The following CMTM7 variants were observed in gnomAD, a reference collection of about 807,000 sequenced individuals.
CMTM7 encodes CKLF-like MARVEL transmembrane domain-containing protein 7.
A neutral mutation model predicts 19.3 loss-of-function variants in CMTM7; 7 were observed. That is an observed-to-expected ratio of 0.36 (90% CI 0.21 to 0.68). The LOEUF (loss-of-function observed/expected upper bound fraction) is 0.68. CMTM7 is among the 30% of genes least tolerant of loss of function. The pLI is 0.60. For missense variants in CMTM7, 193 were observed against 232.6 expected (o/e 0.83, Z 1.11); for synonymous variants, 87 against 99.3 (o/e 0.88, Z 0.74).
intron 1 of CMTM7, among the ~76,000 whole-genome samples, chr3:32,435,250 A>G (rs1559411582): frequency 6.6e-6 from 1 of 151,978 alleles, no homozygotes; most frequent in Non-Finnish European, 1.5e-5. Context: ...ACAAATACAA[A>G]AAAATTAGCC....
At chr3:32,419,757 T>C (rs537805413) in intron 1 of CMTM7, among the ~76,000 whole-genome samples, 2 of 152,348 alleles carry the variant, frequency 1.3e-5, no homozygotes, top group African/African-American at 4.8e-5. Flanking sequence ...GTATTTCTTA[T>C]ATATGTTGGA....
intron 1 of CMTM7, among the ~76,000 whole-genome samples, chr3:32,428,483 A>T (rs1397057461): frequency 6.6e-6 from 1 of 152,202 alleles, no homozygotes; most frequent in Non-Finnish European, 1.5e-5. Context: ...AGAGAGCAGG[A>T]AGTCAAGGGT....
rs1403235716 is a variant in CMTM7 at position 32,455,082 on chromosome 3, T to A, written c.*828T>A. 6.5e-6 allele frequency: 1 copy of A among 152,856 alleles called. No individual in the cohort carries two copies. Among genetic ancestry groups the A allele is most frequent in the African/African-American group, 2.4e-5 (1 of 41,446 alleles). The allele number at this position is 152,856 out of a possible 1,614,324, so 9.5% of individuals were successfully genotyped here. ...CCTCCTTCTCCTGCAATACCAATCT[T>A]CTCATTTTGGAAAGAGCTTTAGAGC... On this transcript the variant is annotated 3_prime_UTR_variant, in exon 5 of 5. Transcript: ENST00000334983.
chr3:32,417,383 T>A (rs1365245047), intron 1 of CMTM7, among the ~76,000 whole-genome samples: 1 of 152,186 alleles, frequency 6.6e-6, no homozygotes, highest in Non-Finnish European at 1.5e-5. Flanking sequence ...AATTAATCCA[T>A]GTTATCACTT....
chr3:32,407,508 C>T (rs1439303248), intron 1 of CMTM7, among the ~76,000 whole-genome samples: 8 of 152,148 alleles, frequency 5.3e-5, no homozygotes, highest in South Asian at 2.1e-4. Context: ...CTTGGAAAGC[C>T]GTAAGGCCAC....
rs974597747 is a variant in CMTM7, at chr3:32,449,588, C to A, written c.432+36C>A. On this transcript the variant is annotated intron_variant, in intron 3 of 4. Coordinates refer to ENST00000334983, the MANE Select transcript of CMTM7 (RefSeq NM_138410.4). The surrounding 1 kb of genome is among the most constrained non-coding windows in gnomAD (Gnocchi z 4.5). ...TTTGGGGAGCCTTTAGGAATGAATT[C>A]TTATTTAAAATGCTCATTTTCTTCC... 7 of 1,498,070 alleles carry A rather than the reference C, an allele frequency of 4.7e-6. No homozygotes were observed. The highest frequency in any genetic ancestry group is 1.7e-5 in the Admixed American group (1 of 59,870). 92.8% of individuals were successfully genotyped at this position (1,498,070 alleles called of 1,614,324 possible).
At chr3:32,428,473 A>G (rs1394998141) in intron 1 of CMTM7, among the ~76,000 whole-genome samples, 1 of 152,200 alleles carries the variant, frequency 6.6e-6, no homozygotes, top group Non-Finnish European at 1.5e-5. Context: ...CTGAGCCTCT[A>G]GAGAGCAGGA....
chr3:32,453,117 T>C (rs1559416763), intron 4 of CMTM7, among the ~76,000 whole-genome samples: 1 of 151,606 alleles, frequency 6.6e-6, no homozygotes, highest in Non-Finnish European at 1.5e-5. Context: ...TGTAGGTTTT[T>C]AGAAAATACA....
intron 1 of CMTM7, among the ~76,000 whole-genome samples, chr3:32,417,603 C>T (rs759531150): frequency 6.6e-6 from 1 of 152,104 alleles, no homozygotes; most frequent in Non-Finnish European, 1.5e-5. Flanking sequence ...TTGGGTCGTA[C>T]GTTAAGTATA....
chr3:32,450,459 C>G (rs944276468), intron 3 of CMTM7, among the ~76,000 whole-genome samples: 1 of 152,152 alleles, frequency 6.6e-6, no homozygotes, highest in Non-Finnish European at 1.5e-5. Flanking sequence ...CTTTCACTTA[C>G]GTATATTACC....
At chr3:32,430,230 C>T (rs905579338) in intron 1 of CMTM7, among the ~76,000 whole-genome samples, 2 of 152,158 alleles carry the variant, frequency 1.3e-5, no homozygotes, top group African/African-American at 2.4e-5. Flanking sequence ...TTGTTTGCTC[C>T]CATATTGTTG....
chr3:32,431,626 CAG>C (rs1696520608), intron 1 of CMTM7, among the ~76,000 whole-genome samples: 1 of 152,110 alleles, frequency 6.6e-6, no homozygotes, highest in Non-Finnish European at 1.5e-5. Flanking sequence ...GAAGCTGGGA[CAG>C]GGGGCTCTGT....
At chr3:32,433,656 C>A (rs1330081160) in intron 1 of CMTM7, among the ~76,000 whole-genome samples, 1 of 152,140 alleles carries the variant, frequency 6.6e-6, no homozygotes, top group African/African-American at 2.4e-5. Context: ...TGGTTCTCTC[C>A]TAAAGGCCTA....
chr3:32,404,416 C>T (rs1007899923), intron 1 of CMTM7, among the ~76,000 whole-genome samples: 2 of 152,176 alleles, frequency 1.3e-5, no homozygotes, highest in African/African-American at 4.8e-5. Context: ...CCTCCTTGGC[C>T]TCCCAAAGTG....
At chr3:32,448,763 G>A (rs1237524216) in intron 2 of CMTM7, among the ~76,000 whole-genome samples, 1 of 148,842 alleles carries the variant, frequency 6.7e-6, no homozygotes, top group Non-Finnish European at 1.5e-5. Flanking sequence ...CTGGAGAAAA[G>A]AGAAGAGGGA....
chr3:32,404,112 A>G (rs12494400), intron 1 of CMTM7, among the ~76,000 whole-genome samples: 20,497 of 144,244 alleles, frequency 0.14, 1,777 homozygotes, highest in Admixed American at 0.23. Context: ...TTTACATGCA[A>G]TTTCCCTTTG....
chr3:32,423,672 A>G (rs566965469), intron 1 of CMTM7, among the ~76,000 whole-genome samples: 9 of 152,326 alleles, frequency 5.9e-5, no homozygotes, highest in African/African-American at 2.2e-4. Context: ...GTGATGTAGT[A>G]TGGAGGTGGG....
chr3:32,445,565 T>G (rs1696742146), intron 2 of CMTM7, among the ~76,000 whole-genome samples: 1 of 152,156 alleles, frequency 6.6e-6, no homozygotes, highest in African/African-American at 2.4e-5. Context: ...CAGGCTGGAG[T>G]GCAGTGGTAT....
chr3:32,425,846 A>G (rs1394009078), intron 1 of CMTM7, among the ~76,000 whole-genome samples: 1 of 152,208 alleles, frequency 6.6e-6, no homozygotes, highest in Non-Finnish European at 1.5e-5. Flanking sequence ...CCTGGTCACA[A>G]GCATAAAACT....
Sources: gnomAD v4.1 joint callset for allele counts (sites outside exome capture counted in the v4.1 genomes callset) on GRCh38, gnomAD v4.1.1 for gene constraint, Gnocchi (gnomAD v3.1) non-coding constraint, MANE v1.5 for transcripts, NCBI Gene and HGNC (gene_info 2026-07-23, HGNC 2026-07-21) for gene names.